The following EBF1 variants were observed in gnomAD, a reference collection of about 807,000 sequenced individuals.
The protein encoded by EBF1 is transcription factor COE1.
A neutral mutation model predicts 68.4 loss-of-function variants in EBF1; 10 were observed. The observed-to-expected ratio is 0.15, with a 90% CI of 0.09 to 0.25. The LOEUF (loss-of-function observed/expected upper bound fraction) is 0.25, where lower values mean the gene tolerates loss of function less well. Among genes scored for constraint, EBF1 ranks in the 10% least tolerant of loss-of-function variants. The pLI, the probability that EBF1 is intolerant of heterozygous loss-of-function variation, is 1.00. For synonymous variants in EBF1, 298 were observed against 299.8 expected (o/e 0.99, Z 0.06); for missense variants, 509 against 794.4 (o/e 0.64, Z 4.32).
intron 6 of EBF1, among the ~76,000 whole-genome samples, chr5:158,843,983 C>T (rs1217857003): frequency 6.6e-6 from 1 of 152,096 alleles, no homozygotes; most frequent in Non-Finnish European, 1.5e-5. Context: ...CAAAACCTCA[C>T]TTTTGTCTAA....
At chr5:158,804,675 C>G (rs568625754) in intron 8 of EBF1, among the ~76,000 whole-genome samples, 1 of 152,202 alleles carries the variant, frequency 6.6e-6, no homozygotes, top group African/African-American at 2.4e-5. Flanking sequence ...TCATAATATG[C>G]AAAAATTGTT....
At chr5:158,949,984 T>C (rs972571333) in intron 6 of EBF1, among the ~76,000 whole-genome samples, 1 of 152,244 alleles carries the variant, frequency 6.6e-6, no homozygotes, top group Admixed American at 6.5e-5. Flanking sequence ...CTTGACAGGT[T>C]CACGTTGTAT....
intron 6 of EBF1, among the ~76,000 whole-genome samples, chr5:159,034,865 C>T (rs1769706362): frequency 6.6e-6 from 1 of 152,196 alleles, no homozygotes; most frequent in South Asian, 2.1e-4. Context: ...CTGCCTGATG[C>T]TTCCTGCCTA....
chr5:159,003,694 T>C (rs1763003543), intron 6 of EBF1, among the ~76,000 whole-genome samples: 1 of 152,202 alleles, frequency 6.6e-6, no homozygotes, highest in African/African-American at 2.4e-5. Flanking sequence ...TTACATTCAT[T>C]GAGGACTGAG....
intron 10 of EBF1, among the ~76,000 whole-genome samples, chr5:158,732,739 G>C (rs957922642): frequency 5.9e-5 from 9 of 152,262 alleles, no homozygotes; most frequent in Non-Finnish European, 1.0e-4. Context: ...TTTTAAGTTA[G>C]AGTGAACTTT....
intron 8 of EBF1, among the ~76,000 whole-genome samples, chr5:158,815,691 C>G (rs1250402086): frequency 6.6e-6 from 1 of 152,084 alleles, no homozygotes; most frequent in Non-Finnish European, 1.5e-5. Flanking sequence ...GCTCATGAAC[C>G]CTTCAGTCTG....
intron 8 of EBF1, among the ~76,000 whole-genome samples, chr5:158,820,434 C>A (rs911982363): frequency 6.6e-6 from 1 of 152,164 alleles, no homozygotes. Flanking sequence ...TGAAAGAGTT[C>A]AATAGTCATC....
chr5:159,042,109 A>C (rs1483431667), intron 6 of EBF1, among the ~76,000 whole-genome samples: 1 of 152,174 alleles, frequency 6.6e-6, no homozygotes, highest in East Asian at 1.9e-4. Context: ...CATGCAAAAA[A>C]GCTTGCTGTC....
At chr5:158,980,330 C>T (rs142185686) in intron 6 of EBF1, among the ~76,000 whole-genome samples, 3 of 152,306 alleles carry the variant, frequency 2.0e-5, no homozygotes, top group African/African-American at 4.8e-5. Flanking sequence ...CCAAACACTT[C>T]CCGATTTCTT....
chr5:158,744,470 G>A (rs1310281917), intron 10 of EBF1, among the ~76,000 whole-genome samples: 4 of 152,158 alleles, frequency 2.6e-5, no homozygotes, highest in African/African-American at 9.7e-5. Flanking sequence ...AGTTGTAAAT[G>A]TAAGCAAATT....
At chr5:159,021,458 C>T (rs1041589652) in intron 6 of EBF1, among the ~76,000 whole-genome samples, 4 of 152,316 alleles carry the variant, frequency 2.6e-5, no homozygotes, top group Admixed American at 2.6e-4. Flanking sequence ...GAACAACCAC[C>T]TCGAACAATC....
chr5:158,904,019 G>A lies in EBF1; in HGVS notation c.555-63909C>T, dbSNP rs562364045. ...TGATCCAGCAAGAAGTAGAGGCTCA[G>A]GGTAAAAGACAAGAAGGAGTGGGGA... is the stretch of plus-strand genomic sequence containing the variant. On this transcript the variant is annotated intron_variant, in intron 6 of 15. Transcript: ENST00000313708. Among the ~76,000 whole-genome samples the A allele has an allele frequency of 1.7e-3, 255 of 152,232 alleles. 1 individual carries two copies. Among genetic ancestry groups the A allele is most frequent in the African/African-American group, 4.6e-3 (192 of 41,552 alleles).
intron 8 of EBF1, among the ~76,000 whole-genome samples, chr5:158,822,951 A>G (rs1785179904): frequency 6.6e-6 from 1 of 152,152 alleles, no homozygotes; most frequent in Non-Finnish European, 1.5e-5. Context: ...AGCCATTTCC[A>G]GAGTAGAGAG....
intron 10 of EBF1, among the ~76,000 whole-genome samples, chr5:158,754,441 C>A (rs969717773): frequency 2.6e-5 from 4 of 152,076 alleles, no homozygotes; most frequent in African/African-American, 9.7e-5. Flanking sequence ...AGCCTGATCG[C>A]CACGATGTTG....
chr5:158,929,129 A>G (rs1810312827), intron 6 of EBF1, among the ~76,000 whole-genome samples: 1 of 152,242 alleles, frequency 6.6e-6, no homozygotes, highest in Non-Finnish European at 1.5e-5. Flanking sequence ...GCAGAGAGAT[A>G]CATGTTATAG....
At chr5:158,872,146 C>T (rs1279903297) in intron 6 of EBF1, among the ~76,000 whole-genome samples, 2 of 152,088 alleles carry the variant, frequency 1.3e-5, no homozygotes, top group Admixed American at 6.5e-5. Context: ...TTCCCTCTGC[C>T]TTTAGACTGG....
At chr5:158,727,624 CA>C (rs1311118687) in intron 11 of EBF1, among the ~76,000 whole-genome samples, 1 of 152,016 alleles carries the variant, frequency 6.6e-6, no homozygotes, top group Non-Finnish European at 1.5e-5. Flanking sequence ...AAAAGGAAAC[CA>C]AAAAACATCT....
chr5:158,989,935 G>A (rs915149283), intron 6 of EBF1, among the ~76,000 whole-genome samples: 3 of 151,980 alleles, frequency 2.0e-5, no homozygotes, highest in African/African-American at 7.3e-5. Flanking sequence ...CTTGGCAGGG[G>A]GAATAAAACA....
intron 6 of EBF1, among the ~76,000 whole-genome samples, chr5:159,057,407 G>T (rs999907243): frequency 6.6e-6 from 1 of 152,084 alleles, no homozygotes; most frequent in East Asian, 1.9e-4. Flanking sequence ...CGCGCCTGAC[G>T]GACTGTTATA....
Sources: allele counts gnomAD v4.1 joint callset (sites outside exome capture counted in the v4.1 genomes callset), GRCh38; gene constraint gnomAD v4.1.1; transcripts MANE v1.5; gene names NCBI Gene and HGNC (gene_info 2026-07-23, HGNC 2026-07-21).